Variants in CPNE4 observed in about 807,000 individuals in gnomAD.
CPNE4 encodes copine 4, also known as copine-4.
A neutral mutation model predicts 67.9 loss-of-function variants in CPNE4; 25 were observed. That is an observed-to-expected ratio of 0.37 (90% CI 0.27 to 0.51). The LOEUF is 0.51. Among genes scored for constraint, CPNE4 ranks in the 20% least tolerant of loss-of-function variants. CPNE4 has a pLI of 0.93. For synonymous variants in CPNE4, 242 were observed against 244.9 expected (o/e 0.99, Z 0.11); for missense variants, 464 against 690.8 (o/e 0.67, Z 3.68).
chr3:131,668,766 A>C (rs77212139), intron 7 of CPNE4, among the ~76,000 whole-genome samples: 3,858 of 152,272 alleles, frequency 0.025, 115 homozygotes, highest in African/African-American at 0.074. Context: ...ATGGCCTATA[A>C]AAACATCTCC....
chr3:131,974,871 G>T (rs1342173952), intron 1 of CPNE4, among the ~76,000 whole-genome samples: 1 of 152,104 alleles, frequency 6.6e-6, no homozygotes, highest in Non-Finnish European at 1.5e-5. Flanking sequence ...AGCCCGGCGT[G>T]GTGGTGCACA....
At chr3:131,809,612 A>G (rs1446833920) in intron 2 of CPNE4, among the ~76,000 whole-genome samples, 1 of 152,166 alleles carries the variant, frequency 6.6e-6, no homozygotes, top group Non-Finnish European at 1.5e-5. Context: ...GATAAGATTG[A>G]CAATTGAAAT....
chr3:131,902,557 A>C (rs554483705), intron 2 of CPNE4, among the ~76,000 whole-genome samples: 15 of 152,260 alleles, frequency 9.9e-5, no homozygotes, highest in Admixed American at 2.6e-4. Context: ...TTGATGGGAT[A>C]TTATGCAGCT....
intron 10 of CPNE4, among the ~76,000 whole-genome samples, chr3:131,569,912 AT>A (rs964253126): frequency 6.0e-4 from 91 of 152,088 alleles, no homozygotes; most frequent in Middle Eastern, 3.4e-3. Context: ...TAAGAAAAAA[AT>A]ATCACTCGCC....
At chr3:131,902,061 G>T (rs890918393) in intron 2 of CPNE4, among the ~76,000 whole-genome samples, 2 of 136,068 alleles carry the variant, frequency 1.5e-5, no homozygotes, top group African/African-American at 5.5e-5. Flanking sequence ...TAGCCACCTG[G>T]CATGCACTTT....
chr3:131,541,462 G>A (rs1160696399), intron 15 of CPNE4, among the ~76,000 whole-genome samples: 2 of 152,084 alleles, frequency 1.3e-5, no homozygotes, highest in Admixed American at 6.5e-5. Context: ...CTGCTTGACT[G>A]ACTTACTATT....
rs773511177 is a variant in CPNE4, at chr3:131,552,476, C to G, written c.1132G>C (p.Ala378Pro). ...PPEYTVSHDF[A>P]INFNEDNPEC... ...GGGTTGTCTTCATTAAAGTTGATTG[C>G]AAAGTCATGAGAGACCTAGACACCG... is the stretch of plus-strand genomic sequence containing the variant. Residue 378 changes from alanine to proline, a missense_variant, in exon 13 of 16, where the codon GCA (alanine) becomes CCA (proline). Transcript: ENST00000429747. 6.2e-7 allele frequency: 1 copy of G among 1,612,438 alleles called. No individual in the cohort carries two copies. The highest frequency in any genetic ancestry group is 2.2e-5 in the East Asian group (1 of 44,824).
At chr3:131,954,973 A>G (rs1560673017) in intron 1 of CPNE4, among the ~76,000 whole-genome samples, 1 of 151,582 alleles carries the variant, frequency 6.6e-6, no homozygotes, top group Non-Finnish European at 1.5e-5. Context: ...CATGTGAAAA[A>G]AAAAAAAAAA....
chr3:131,952,219 C>A (rs1029321986), intron 1 of CPNE4, among the ~76,000 whole-genome samples: 2 of 150,992 alleles, frequency 1.3e-5, no homozygotes, highest in South Asian at 2.1e-4. Flanking sequence ...CCCGCCGCCC[C>A]GTCTGGGATG....
At chr3:131,610,571 C>G (rs1330599743) in intron 7 of CPNE4, among the ~76,000 whole-genome samples, 3 of 152,196 alleles carry the variant, frequency 2.0e-5, no homozygotes, top group African/African-American at 7.2e-5. Flanking sequence ...ATTGAGACAA[C>G]TGAGATGTGA....
intron 1 of CPNE4, among the ~76,000 whole-genome samples, chr3:132,028,017 C>G (rs1416111387): frequency 2.6e-5 from 4 of 152,116 alleles, no homozygotes; most frequent in Non-Finnish European, 5.9e-5. Flanking sequence ...AAATCATTTT[C>G]TGTTTAAATG....
intron 7 of CPNE4, among the ~76,000 whole-genome samples, chr3:131,599,692 G>A (rs1314737965): frequency 6.6e-6 from 1 of 152,182 alleles, no homozygotes; most frequent in African/African-American, 2.4e-5. Flanking sequence ...AAATCTGTCT[G>A]TACAAGGGCC....
rs977448192 is a variant in CPNE4 at position 131,933,123 on chromosome 3, T to C, written c.-1-27679A>G. Among the ~76,000 whole-genome samples the C allele has an allele frequency of 5.3e-5, 8 of 152,236 alleles. No individual in the cohort carries two copies. In the East Asian group the frequency reaches 1.5e-3, roughly 29 times the overall value. On this transcript the variant is annotated intron_variant, in intron 1 of 15. Coordinates refer to ENST00000429747, the MANE Select transcript of CPNE4 (RefSeq NM_130808.3). ...GGGTTAGATGGTACCTTGTGGACTATGTTGAAGATTCTGGATTTTAAGGGC... is the reference window on the plus strand; with the variant it reads ...GGGTTAGATGGTACCTTGTGGACTACGTTGAAGATTCTGGATTTTAAGGGC...
intron 2 of CPNE4, among the ~76,000 whole-genome samples, chr3:131,853,353 C>T (rs1227192164): frequency 1.3e-5 from 2 of 151,468 alleles, no homozygotes; most frequent in South Asian, 2.1e-4. Flanking sequence ...CAAGTGGCAC[C>T]GAAACAACTC....
intron 2 of CPNE4, among the ~76,000 whole-genome samples, chr3:131,876,438 C>T (rs1465700667): frequency 1.3e-5 from 2 of 151,264 alleles, no homozygotes; most frequent in South Asian, 2.1e-4. Flanking sequence ...GTCAGGAGAT[C>T]GAGACCATCC....
intron 2 of CPNE4, among the ~76,000 whole-genome samples, chr3:131,785,314 G>T (rs2083528795): frequency 6.6e-6 from 1 of 152,030 alleles, no homozygotes; most frequent in Non-Finnish European, 1.5e-5. Context: ...CTATAGTCCT[G>T]CCTTGAAGGC....
chr3:131,622,668 T>C (rs1378957521), intron 7 of CPNE4, among the ~76,000 whole-genome samples: 1 of 152,152 alleles, frequency 6.6e-6, no homozygotes, highest in Non-Finnish European at 1.5e-5. Flanking sequence ...AAAAAGTCTG[T>C]GTTGGCTTCT....
At chr3:131,623,985 A>G (rs1940606444) in intron 7 of CPNE4, among the ~76,000 whole-genome samples, 1 of 152,116 alleles carries the variant, frequency 6.6e-6, no homozygotes. Flanking sequence ...CTTATTTGTC[A>G]CGGCAGTTGT....
chr3:131,858,476 T>C (rs1513377), intron 2 of CPNE4, among the ~76,000 whole-genome samples: 48,611 of 152,026 alleles, frequency 0.32, 8,301 homozygotes, highest in African/African-American at 0.42. Flanking sequence ...TAGTGTTTGA[T>C]ATTTACTGTA....
Sources: allele counts gnomAD v4.1 joint callset (sites outside exome capture counted in the v4.1 genomes callset), GRCh38; gene constraint gnomAD v4.1.1; transcripts MANE v1.5; gene names NCBI Gene and HGNC (gene_info 2026-07-23, HGNC 2026-07-21).